The following GAS7 variants were observed in gnomAD, a reference collection of about 807,000 sequenced individuals.
The protein encoded by GAS7 is growth arrest-specific protein 7.
In GAS7, 28 loss-of-function variants were observed where a neutral mutation model predicts 71.1. The ratio of observed to expected loss-of-function variants is 0.39; its 90% CI spans 0.29 to 0.54. GAS7 has a LOEUF of 0.54. GAS7 is among the 20% of genes least tolerant of loss of function. GAS7 has a pLI of 0.62. For synonymous variants in GAS7, 258 were observed against 245.8 expected, an observed-to-expected ratio of 1.05 and a Z score of -0.46; for missense variants, 436 against 627.8, an observed-to-expected ratio of 0.69 and a Z score of 3.27.
intron 2 of GAS7, among the ~76,000 whole-genome samples, chr17:9,990,894 T>A (rs1482619602): frequency 6.6e-6 from 1 of 152,198 alleles, no homozygotes; most frequent in South Asian, 2.1e-4. Context: ...GCTCTGGCGC[T>A]GGCATCTTAC....
At chr17:9,952,213 C>T (rs1004917092) in intron 5 of GAS7, among the ~76,000 whole-genome samples, 1 of 152,164 alleles carries the variant, frequency 6.6e-6, no homozygotes, top group African/African-American at 2.4e-5. Flanking sequence ...TCAAGTGATG[C>T]TGAAGGTCCA....
At chr17:10,163,474 G>A (rs2074271505) in intron 1 of GAS7, among the ~76,000 whole-genome samples, 1 of 151,790 alleles carries the variant, frequency 6.6e-6, no homozygotes, top group Non-Finnish European at 1.5e-5. Flanking sequence ...AACATAGATT[G>A]GAATAAGATT....
At chr17:10,085,749 AG>A (rs2073512749) in intron 1 of GAS7, among the ~76,000 whole-genome samples, 1 of 151,640 alleles carries the variant, frequency 6.6e-6, no homozygotes, top group African/African-American at 2.4e-5. Flanking sequence ...TCCCTTACTG[AG>A]TGATGTGACA....
At chr17:9,935,877 AC>A (rs2068382119) in intron 8 of GAS7, among the ~76,000 whole-genome samples, 1 of 152,072 alleles carries the variant, frequency 6.6e-6, no homozygotes, top group South Asian at 2.1e-4. Context: ...GGGGCACTCC[AC>A]CCCCTCTGGG....
intron 1 of GAS7, among the ~76,000 whole-genome samples, chr17:10,066,572 G>A (rs1405041696): frequency 6.6e-6 from 1 of 152,152 alleles, no homozygotes; most frequent in Non-Finnish European, 1.5e-5. Context: ...CTGGCCTCAG[G>A]CCATCCCCTC....
At chr17:10,014,512 C>T (rs905442829) in intron 2 of GAS7, among the ~76,000 whole-genome samples, 2 of 152,184 alleles carry the variant, frequency 1.3e-5, no homozygotes, top group African/African-American at 2.4e-5. Flanking sequence ...CTCTCTCTCA[C>T]CTCTTTCTTC....
intron 3 of GAS7, among the ~76,000 whole-genome samples, chr17:9,977,918 C>A (rs557104710): frequency 6.6e-6 from 1 of 152,162 alleles, no homozygotes; most frequent in East Asian, 1.9e-4. Context: ...AGCTACAACA[C>A]AAAAGTAAAG....
At chr17:10,024,415 T>A (rs1359287836) in intron 1 of GAS7, among the ~76,000 whole-genome samples, 1 of 152,156 alleles carries the variant, frequency 6.6e-6, no homozygotes, top group Admixed American at 6.5e-5. Context: ...TTCCCTTCAA[T>A]TCTGTCAGCA....
chr17:10,094,952 G>A (rs1419338228), intron 1 of GAS7, among the ~76,000 whole-genome samples: 4 of 152,124 alleles, frequency 2.6e-5, no homozygotes, highest in Middle Eastern at 3.4e-3. Flanking sequence ...TCTGTCATCC[G>A]CAATATGATT....
Position 10,018,873 on chromosome 17 carries a change from T to C in GAS7, c.304+904A>G, listed in dbSNP as rs3786073. The stretch of plus-strand genomic sequence containing the variant: ...GGACTTGGGTACGATTTTCATCTTT[T>C]GCCTTGGAACGCATGTCTGTGATTC... On this transcript the variant is annotated intron_variant, in intron 2 of 13. Transcript: ENST00000432992. Among the ~76,000 whole-genome samples, 1,097 of 152,316 alleles carry C rather than the reference T, an allele frequency of 7.2e-3. 50 individuals are homozygous for C. In the East Asian group the frequency reaches 0.13, roughly 18 times the overall value.
chr17:10,033,722 G>A (rs2072679372), intron 1 of GAS7, among the ~76,000 whole-genome samples: 2 of 152,236 alleles, frequency 1.3e-5, no homozygotes, highest in Non-Finnish European at 2.9e-5. Context: ...GCCTCTGACG[G>A]CCCGCCTGCA....
intron 5 of GAS7, among the ~76,000 whole-genome samples, chr17:9,954,678 C>T (rs541878938): frequency 2.0e-5 from 3 of 151,946 alleles, no homozygotes; most frequent in Non-Finnish European, 4.4e-5. Flanking sequence ...TGTGTGGGGT[C>T]GAGGGTGGAT....
chr17:10,096,786 C>T (rs1300123489), intron 1 of GAS7, among the ~76,000 whole-genome samples: 2 of 152,264 alleles, frequency 1.3e-5, no homozygotes, highest in East Asian at 1.9e-4. Flanking sequence ...AGTGAGAAAG[C>T]GCACATCCTG....
In GAS7 at chr17:10,034,049, G is replaced by A. The variant is rs1473583644; in HGVS notation, c.184-14152C>T. The stretch of plus-strand genomic sequence containing the variant: ...AACATTTCTGGAGCTGCTGCCGCTG[G>A]CACATATAAAGTAGGCAAATGGTGA... On this transcript the variant is annotated intron_variant, in intron 1 of 13. Transcript: ENST00000432992. This position sits in a 1 kb window ranked among gnomAD's most constrained non-coding sequence, Gnocchi z 4.4. 1 of 855,448 alleles carries A rather than the reference G, an allele frequency of 1.2e-6. No homozygotes were observed. The highest frequency in any genetic ancestry group is 1.4e-6 in the Non-Finnish European group (1 of 711,336). The allele number at this position is 855,448 out of a possible 1,614,324, so 53.0% of individuals were successfully genotyped here.
chr17:10,099,792 T>C (rs2073681085), intron 1 of GAS7, among the ~76,000 whole-genome samples: 1 of 152,210 alleles, frequency 6.6e-6, no homozygotes, highest in South Asian at 2.1e-4. Flanking sequence ...CTCCCCAAGG[T>C]ATACCCTCTC....
chr17:10,149,667 T>G (rs2074148801), intron 1 of GAS7, among the ~76,000 whole-genome samples: 1 of 152,158 alleles, frequency 6.6e-6, no homozygotes, highest in South Asian at 2.1e-4. Flanking sequence ...ACAGCATTAT[T>G]CACAATAGCT....
At chr17:10,147,423 C>A (rs917384604) in intron 1 of GAS7, among the ~76,000 whole-genome samples, 1 of 152,142 alleles carries the variant, frequency 6.6e-6, no homozygotes, top group African/African-American at 2.4e-5. Context: ...CTCAGACAAC[C>A]TCAATTAAGC....
At chr17:9,997,268 C>A (rs2071087452) in intron 2 of GAS7, among the ~76,000 whole-genome samples, 1 of 151,364 alleles carries the variant, frequency 6.6e-6, no homozygotes, top group South Asian at 2.1e-4. Flanking sequence ...GCGGTGGAAA[C>A]AGTCCATAAG....
At chr17:10,016,342 G>T (rs191581648) in intron 2 of GAS7, among the ~76,000 whole-genome samples, 2 of 140,798 alleles carry the variant, frequency 1.4e-5, no homozygotes, top group East Asian at 4.2e-4. Flanking sequence ...CCGAGATCGC[G>T]CCACTGCAGT....
Sources: gnomAD v4.1 joint callset for allele counts (sites outside exome capture counted in the v4.1 genomes callset) on GRCh38, gnomAD v4.1.1 for gene constraint, Gnocchi (gnomAD v3.1) non-coding constraint, MANE v1.5 for transcripts, NCBI Gene and HGNC (gene_info 2026-07-23, HGNC 2026-07-21) for gene names.